The following DLG2 variants were observed in gnomAD, a reference collection of about 807,000 sequenced individuals.
DLG2 encodes discs large MAGUK scaffold protein 2.
DLG2 carries 45 observed loss-of-function variants against 132.5 expected under a neutral mutation model. The observed-to-expected ratio is 0.34, with a 90% confidence interval of 0.27 to 0.44. The LOEUF (loss-of-function observed/expected upper bound fraction) is 0.44. DLG2 is among the 20% of genes least tolerant of loss of function. The pLI, the probability that DLG2 is intolerant of heterozygous loss-of-function variation, is 1.00. For missense variants in DLG2, 1,045 were observed against 1,196.9 expected, an observed-to-expected ratio of 0.87 and a Z score of 1.87; for synonymous variants, 424 against 419.6, an observed-to-expected ratio of 1.01 and a Z score of -0.13.
At chr11:84,247,028 C>G (rs1295428545) in intron 8 of DLG2, among the ~76,000 whole-genome samples, 4 of 152,004 alleles carry the variant, frequency 2.6e-5, no homozygotes, top group African/African-American at 9.7e-5. Flanking sequence ...AGATATTTAA[C>G]AAGATGGAAA....
chr11:85,207,530 T>C (rs1282497721), intron 4 of DLG2, among the ~76,000 whole-genome samples: 2 of 152,178 alleles, frequency 1.3e-5, no homozygotes, highest in Admixed American at 1.3e-4. Flanking sequence ...AGGTTACCAG[T>C]GGGTAAGTTC....
At chr11:84,940,762 T>C (rs545562256) in intron 6 of DLG2, among the ~76,000 whole-genome samples, 1 of 152,318 alleles carries the variant, frequency 6.6e-6, no homozygotes, top group Non-Finnish European at 1.5e-5. Flanking sequence ...TTTACATTGG[T>C]TGCCTGTGCT....
chr11:83,688,579 T>C (rs1432176765), intron 18 of DLG2, among the ~76,000 whole-genome samples: 2 of 152,166 alleles, frequency 1.3e-5, no homozygotes, highest in Non-Finnish European at 2.9e-5. Context: ...CCCATGACAG[T>C]TTATAGAAAT....
chr11:83,712,109 C>T (rs920264201), intron 18 of DLG2, among the ~76,000 whole-genome samples: 4 of 152,098 alleles, frequency 2.6e-5, no homozygotes, highest in East Asian at 1.9e-4. Flanking sequence ...AGTGATTCCT[C>T]AAAGACCTAG....
chr11:84,035,406 T>C (rs2095836405), intron 11 of DLG2, among the ~76,000 whole-genome samples: 1 of 152,168 alleles, frequency 6.6e-6, no homozygotes, highest in Admixed American at 6.6e-5. Context: ...TGATACATAC[T>C]ATGAGGAAAA....
intron 3 of DLG2, among the ~76,000 whole-genome samples, chr11:85,595,062 C>T (rs913411561): frequency 5.5e-5 from 6 of 109,302 alleles, no homozygotes; most frequent in African/African-American, 8.1e-5. Flanking sequence ...GAGACTCTGT[C>T]TCAAAAAAAA....
At chr11:84,226,300 T>C (rs1327750499) in intron 8 of DLG2, among the ~76,000 whole-genome samples, 1 of 152,244 alleles carries the variant, frequency 6.6e-6, no homozygotes, top group East Asian at 1.9e-4. Flanking sequence ...TAACAGCAGA[T>C]TACAGATTCT....
chr11:85,519,864 C>A (rs1458583466), intron 3 of DLG2, among the ~76,000 whole-genome samples: 1 of 152,092 alleles, frequency 6.6e-6, no homozygotes, highest in Non-Finnish European at 1.5e-5. Context: ...TTTTCCAGCA[C>A]AAGCTCTCTT....
At chr11:85,381,290 A>C (rs1382360740) in intron 3 of DLG2, among the ~76,000 whole-genome samples, 1 of 152,198 alleles carries the variant, frequency 6.6e-6, no homozygotes, top group Non-Finnish European at 1.5e-5. Context: ...TGTTAGTTCA[A>C]TGTTTAAAAA....
At chr11:84,776,892 T>C (rs531670479) in intron 6 of DLG2, among the ~76,000 whole-genome samples, 1 of 152,246 alleles carries the variant, frequency 6.6e-6, no homozygotes, top group South Asian at 2.1e-4. Flanking sequence ...AAAGATATAT[T>C]TTTCTTTTTT....
intron 7 of DLG2, among the ~76,000 whole-genome samples, chr11:84,472,457 A>T (rs111894136): frequency 4.8e-4 from 73 of 152,078 alleles, no homozygotes; most frequent in African/African-American, 1.7e-3. Context: ...TAAATGTTTA[A>T]TATGTCAGAT....
intron 6 of DLG2, among the ~76,000 whole-genome samples, chr11:84,609,128 C>T (rs2099590864): frequency 6.6e-6 from 1 of 152,136 alleles, no homozygotes; most frequent in Non-Finnish European, 1.5e-5. Flanking sequence ...CTCTGGGAGG[C>T]AATGCATTGG....
intron 8 of DLG2, among the ~76,000 whole-genome samples, chr11:84,207,081 C>CTCTCTATA (rs148707321): frequency 0.021 from 3,077 of 146,944 alleles, 37 homozygotes; most frequent in Non-Finnish European, 0.032. Flanking sequence ...CTCTCTCTCT[C>CTCTCTATA]TATATATATA....
intron 19 of DLG2, among the ~76,000 whole-genome samples, chr11:83,556,623 C>A (rs1175574976): frequency 6.6e-6 from 1 of 152,162 alleles, no homozygotes; most frequent in East Asian, 1.9e-4. Flanking sequence ...GCTCCTGTCT[C>A]AGCCTCCCAA....
Position 85,623,976 on chromosome 11 carries a change from T to C in DLG2, c.-93+2611A>G, listed in dbSNP as rs140650167. ...TCCTAAATTTTCACAAATTAAAATATGTCCAAGATTGTCCCAAGGGCTCAC... is the reference window on the plus strand; with the variant it reads ...TCCTAAATTTTCACAAATTAAAATACGTCCAAGATTGTCCCAAGGGCTCAC... On this transcript the variant is annotated intron_variant, in intron 2 of 27. Coordinates refer to ENST00000376104, the MANE Select transcript of DLG2 (RefSeq NM_001142699.3). Among the ~76,000 whole-genome samples the C allele has an allele frequency of 1.9e-4, 29 of 152,284 alleles. No homozygotes were observed. The East Asian group carries it at 5.0e-3, about 26-fold the overall frequency.
At chr11:85,618,572 G>C (rs566330381) in intron 2 of DLG2, among the ~76,000 whole-genome samples, 112 of 152,222 alleles carry the variant, frequency 7.4e-4, no homozygotes, top group African/African-American at 2.6e-3. Context: ...GGGTATACAT[G>C]GACATAAAGA....
intron 6 of DLG2, among the ~76,000 whole-genome samples, chr11:84,746,453 A>AG (rs1018258297): frequency 2.6e-5 from 4 of 151,734 alleles, no homozygotes; most frequent in African/African-American, 4.8e-5. Context: ...TAAAAAAAAA[A>AG]AAAGGACAGG....
intron 18 of DLG2, among the ~76,000 whole-genome samples, chr11:83,770,759 T>C (rs926481982): frequency 2.0e-5 from 3 of 152,234 alleles, no homozygotes; most frequent in Non-Finnish European, 4.4e-5. Flanking sequence ...TTTTGGTTTA[T>C]AGTTAAGAAA....
At chr11:84,118,055 C>A (rs113506272) in intron 9 of DLG2, among the ~76,000 whole-genome samples, 312 of 152,178 alleles carry the variant, frequency 2.1e-3, no homozygotes, top group African/African-American at 7.0e-3. Flanking sequence ...CGGGGTTTCA[C>A]CATGTTGGCC....
Sources: gnomAD v4.1 joint callset for allele counts (sites outside exome capture counted in the v4.1 genomes callset) on GRCh38, gnomAD v4.1.1 for gene constraint, MANE v1.5 for transcripts, NCBI Gene and HGNC (gene_info 2026-07-23, HGNC 2026-07-21) for gene names.